Variants in FBXW10 observed in about 807,000 individuals in gnomAD.
FBXW10 encodes F-box and WD repeat domain containing 10, also known as F-box/WD repeat-containing protein 10.
A neutral mutation model predicts 113.1 loss-of-function variants in FBXW10; 68 were observed. That is an observed-to-expected ratio of 0.60 (90% confidence interval 0.49 to 0.74). The LOEUF (loss-of-function observed/expected upper bound fraction) is 0.74, where lower values mean the gene tolerates loss of function less well. Among genes scored for constraint, FBXW10 ranks in the 30% least tolerant of loss-of-function variants. FBXW10 has a pLI of 0.00. For missense variants in FBXW10, 753 were observed against 1,284.5 expected, an observed-to-expected ratio of 0.59 and a Z score of 6.32; for synonymous variants, 289 against 481.6, an observed-to-expected ratio of 0.60 and a Z score of 5.24.
At chr17:18,756,380 A>G (rs1285956559) in intron 6 of FBXW10, among the ~76,000 whole-genome samples, 1 of 152,252 alleles carries the variant, frequency 6.6e-6, no homozygotes, top group African/African-American at 2.4e-5. Flanking sequence ...GGGTATGCTG[A>G]CCAACAACCT....
chr17:18,748,657 C>T (rs993210609), intron 2 of FBXW10, among the ~76,000 whole-genome samples: 4 of 152,040 alleles, frequency 2.6e-5, no homozygotes, highest in African/African-American at 9.7e-5. Context: ...CATATTTGCA[C>T]CTCTCCGCTG....
chr17:18,772,458 C>A lies in FBXW10; in HGVS notation c.2053C>A (p.His685Asn). 6.2e-7 allele frequency: 1 copy of A among 1,613,890 alleles called. No homozygotes were observed. Among genetic ancestry groups the A allele is most frequent in the Non-Finnish European group, 8.5e-7 (1 of 1,179,820 alleles). Reference protein sequence around the residue: ...ESNVLMFQFEHIKWQYAVEKT... With the variant: ...ESNVLMFQFENIKWQYAVEKT... Reference sequence around the variant, plus strand: ...CAATGTTCTCATGTTCCAGTTTGAGCACATAAAGTGGCAGTATGCCGTGGA... The same window carrying A: ...CAATGTTCTCATGTTCCAGTTTGAGAACATAAAGTGGCAGTATGCCGTGGA... The change falls in exon 12 of 14, where the codon CAC (histidine) becomes AAC (asparagine). Residue 685 changes from histidine to asparagine, a missense_variant. Transcript: ENST00000395665.
intron 13 of FBXW10, among the ~76,000 whole-genome samples, chr17:18,775,930 C>T (rs546765450): frequency 4.0e-5 from 6 of 151,272 alleles, no homozygotes; most frequent in East Asian, 1.9e-4. Flanking sequence ...GAAGCTGAGG[C>T]GGGAGGATCC....
chr17:18,748,030 A>C lies in FBXW10; in HGVS notation c.595A>C (p.Lys199Gln). Residue 199 changes from lysine to glutamine, a missense_variant, in exon 2 of 14, where the codon AAA becomes CAA. Physicochemically the swap from Lys to Gln is moderately conservative, Grantham distance 53. Transcript: ENST00000395665. The stretch of plus-strand genomic sequence containing the variant: ...GACCTCACAAGTCTATTGGACAGCC[A>C]AAACTCAGCACACATCCCTTCCTTT... ...SATSQVYWTAKTQHTSLPLSK... is the reference protein window; with the variant it reads ...SATSQVYWTAQTQHTSLPLSK... 2 of 1,613,896 alleles carry C rather than the reference A, an allele frequency of 1.2e-6. No homozygotes were observed. Among genetic ancestry groups the C allele is most frequent in the Non-Finnish European group, 1.7e-6 (2 of 1,179,862 alleles).
chr17:18,772,412 G>C lies in FBXW10; in HGVS notation c.2007G>C (p.Arg669Ser). The C allele has an allele frequency of 1.2e-6, 2 of 1,612,730 alleles. No homozygotes were observed. The highest frequency in any genetic ancestry group is 1.7e-6 in the Non-Finnish European group (2 of 1,179,336). Reference sequence around the variant, plus strand: ...GACAACCCTGTTGTTTCGGTTCCAGGATGGTGGTCAACACAGAGAGCAATG... The same window carrying C: ...GACAACCCTGTTGTTTCGGTTCCAGCATGGTGGTCAACACAGAGAGCAATG... ...PVLSFFIQGN[R>S]MVVNTESNVL... Residue 669 changes from arginine to serine, a missense_variant and splice_region_variant, in exon 12 of 14, where the codon AGG becomes AGC. Coordinates refer to ENST00000395665, the MANE Select transcript of FBXW10 (RefSeq NM_001267585.2).
At chr17:18,748,174 C>T in intron 2 of FBXW10, 69 bp downstream of exon 2, 2 of 1,596,110 alleles carry the variant, frequency 1.3e-6, no homozygotes, top group Non-Finnish European at 8.6e-7. Context: ...AATCCCAGCA[C>T]TTTGGGAGGC....
intron 7 of FBXW10, among the ~76,000 whole-genome samples, chr17:18,764,422 A>G: frequency 6.6e-6 from 1 of 151,994 alleles, no homozygotes; most frequent in African/African-American, 2.4e-5. Flanking sequence ...GTATGGTCTC[A>G]ATCTCTTGAT....
chr17:18,753,651 T>C (rs2035209506), intron 5 of FBXW10, among the ~76,000 whole-genome samples: 2 of 152,064 alleles, frequency 1.3e-5, no homozygotes, highest in Non-Finnish European at 2.9e-5. Flanking sequence ...GGCAGGTGGA[T>C]CACCTGAGGT....
intron 1 of FBXW10, chr17:18,745,071 G>T (rs1025283659): frequency 7.9e-7 from 1 of 1,258,712 alleles, no homozygotes; most frequent in Non-Finnish European, 1.0e-6. Context: ...CTTAATGCTG[G>T]TGTCGTTCCT....
At chr17:18,760,805 G>A (rs1367966284) in intron 7 of FBXW10, among the ~76,000 whole-genome samples, 1 of 151,112 alleles carries the variant, frequency 6.6e-6, no homozygotes, top group African/African-American at 2.4e-5. Flanking sequence ...ATCTCAATAT[G>A]AATGTAATAA....
intron 11 of FBXW10, among the ~76,000 whole-genome samples, chr17:18,770,300 T>C (rs1203303782): frequency 1.0e-5 from 1 of 97,400 alleles, no homozygotes; most frequent in Non-Finnish European, 2.1e-5. Flanking sequence ...CAACTGTTCA[T>C]TTTGACTTTT....
chr17:18,756,850 T>C (rs1164587298), intron 6 of FBXW10, among the ~76,000 whole-genome samples: 3 of 152,202 alleles, frequency 2.0e-5, no homozygotes, highest in African/African-American at 7.2e-5. Context: ...TTTTTGGCCA[T>C]GAATCTTATT....
At chr17:18,768,102 G>C (rs2035537993) in intron 9 of FBXW10, among the ~76,000 whole-genome samples, 1 of 104,614 alleles carries the variant, frequency 9.6e-6, no homozygotes, top group African/African-American at 3.4e-5. Context: ...GTCTCACTCT[G>C]TCACCAGGCT....
At chr17:18,758,162 C>T in intron 6 of FBXW10, 143 bp from the exon 7 acceptor site, 2 of 1,460,584 alleles carry the variant, frequency 1.4e-6, no homozygotes, top group Non-Finnish European at 1.8e-6. Flanking sequence ...AATTCTCGAC[C>T]TTGCCTTCTG....
At position 18,758,435 on chromosome 17, in the gene FBXW10, A is replaced by G. The variant is rs2035312573; in HGVS notation, c.1363A>G (p.Ser455Gly). The change falls in exon 7 of 14, where the codon AGT becomes GGT. Residue 455 changes from serine to glycine, a missense_variant. Coordinates refer to ENST00000395665, the MANE Select transcript of FBXW10 (RefSeq NM_001267585.2). ...CGTTGAATTCCGAGGCCATGCTGGG[A>G]GTGTCCGGGCCCTCTTCCTGTGTGA... ...IPVEFRGHAG[S>G]VRALFLCEEE... 6.2e-7 allele frequency: 1 copy of G among 1,611,232 alleles called. No individual in the cohort carries two copies. The highest frequency in any genetic ancestry group is 8.5e-7 in the Non-Finnish European group (1 of 1,179,022).
intron 8 of FBXW10, among the ~76,000 whole-genome samples, chr17:18,765,921 G>A (rs964820915): frequency 2.0e-5 from 3 of 151,688 alleles, no homozygotes; most frequent in Non-Finnish European, 4.4e-5. Context: ...TAGAGACGGG[G>A]TTTCACCATG....
rs1230086494 is a variant in FBXW10 at position 18,748,052 on chromosome 17, C to T, written c.617C>T (p.Pro206Leu). The change falls in exon 2 of 14, where the codon CCT (proline) becomes CTT (leucine). Residue 206 changes from proline to leucine, a missense_variant. Physicochemically the swap from Pro to Leu is moderately conservative, Grantham distance 98. Transcript: ENST00000395665. ...GCCAAAACTCAGCACACATCCCTTCCTTTGTCCAAAGCCCCAGAAAATGAA... is the reference window on the plus strand; with the variant it reads ...GCCAAAACTCAGCACACATCCCTTCTTTTGTCCAAAGCCCCAGAAAATGAA... The part of the protein sequence containing the change: ...WTAKTQHTSL[P>L]LSKAPENEHL... 1.9e-6 allele frequency: 3 copies of T among 1,613,848 alleles called. No individual in the cohort carries two copies. In the South Asian group the frequency reaches 3.3e-5, roughly 18 times the overall value.
intron 5 of FBXW10, 70 bp from the exon 6 acceptor site, chr17:18,755,975 C>A (rs2035252751): frequency 6.8e-7 from 1 of 1,471,124 alleles, no homozygotes; most frequent in Non-Finnish European, 9.4e-7. Flanking sequence ...CCAGGGAGAC[C>A]CTAGGGGCTC....
intron 11 of FBXW10, 98 bp from the exon 12 acceptor site, chr17:18,772,314 T>C: frequency 8.5e-7 from 1 of 1,179,776 alleles, no homozygotes; most frequent in Non-Finnish European, 1.2e-6. Context: ...CTGGGCACTG[T>C]TCCTTTAGTC....
Sources: allele counts gnomAD v4.1 joint callset (sites outside exome capture counted in the v4.1 genomes callset), GRCh38; gene constraint gnomAD v4.1.1; transcripts MANE v1.5; gene names NCBI Gene and HGNC (gene_info 2026-07-23, HGNC 2026-07-21).